The following PCSK2 variants were observed in gnomAD, a reference collection of about 807,000 sequenced individuals.
PCSK2 encodes neuroendocrine convertase 2.
PCSK2 carries 14 observed loss-of-function variants against 69.7 expected under a neutral mutation model. The observed-to-expected ratio is 0.20, with a 90% confidence interval of 0.13 to 0.31. The LOEUF (loss-of-function observed/expected upper bound fraction) is 0.31, where lower values mean the gene tolerates loss of function less well. Among genes scored for constraint, PCSK2 ranks in the 10% least tolerant of loss-of-function variants. The pLI is 1.00. For synonymous variants in PCSK2, 307 were observed against 320.7 expected, an observed-to-expected ratio of 0.96 and a Z score of 0.46; for missense variants, 544 against 842.5, an observed-to-expected ratio of 0.65 and a Z score of 4.39.
chr20:17,372,227 A>C (rs2030789489), intron 5 of PCSK2, among the ~76,000 whole-genome samples: 1 of 151,892 alleles, frequency 6.6e-6, no homozygotes, highest in African/African-American at 2.4e-5. Flanking sequence ...AAAATACAAG[A>C]AATTAGCCGG....
intron 10 of PCSK2, among the ~76,000 whole-genome samples, chr20:17,461,861 T>G (rs1008762287): frequency 6.6e-6 from 1 of 152,222 alleles, no homozygotes; most frequent in Admixed American, 6.5e-5. Context: ...CCTGATGTGA[T>G]TATCATGCAT....
chr20:17,410,842 A>G (rs1007753083), intron 6 of PCSK2, among the ~76,000 whole-genome samples: 3 of 152,264 alleles, frequency 2.0e-5, no homozygotes, highest in South Asian at 2.1e-4. Context: ...GAGAAGGGCC[A>G]TGAGAGGGTC....
chr20:17,312,460 G>A (rs1989547357), intron 2 of PCSK2, among the ~76,000 whole-genome samples: 1 of 152,058 alleles, frequency 6.6e-6, no homozygotes, highest in Non-Finnish European at 1.5e-5. Flanking sequence ...TATGAAGTCA[G>A]TAGGCCAAAT....
intron 2 of PCSK2, among the ~76,000 whole-genome samples, chr20:17,269,024 C>T (rs1987751976): frequency 6.6e-6 from 1 of 152,176 alleles, no homozygotes; most frequent in African/African-American, 2.4e-5. Flanking sequence ...TGAAATGGCA[C>T]TTATGCATAT....
Position 17,274,585 on chromosome 20 carries a change from G to A in PCSK2, c.282+14241G>A, listed in dbSNP as rs117300456. On this transcript the variant is annotated intron_variant, in intron 2 of 11. Transcript: ENST00000262545. Reference sequence around the variant, plus strand: ...AGCCAGGTGGAGAGATTGATATACCGTGGGGAGAGAGAGAGGCCAAGGAGC... The same window carrying A: ...AGCCAGGTGGAGAGATTGATATACCATGGGGAGAGAGAGAGGCCAAGGAGC... Among the ~76,000 whole-genome samples the A allele has an allele frequency of 6.1e-3, 926 of 152,150 alleles. 6 individuals carry two copies. The highest frequency in any genetic ancestry group is 0.014 in the Middle Eastern group (4 of 294).
intron 5 of PCSK2, among the ~76,000 whole-genome samples, chr20:17,380,296 C>T (rs1318272591): frequency 1.3e-5 from 2 of 152,176 alleles, no homozygotes; most frequent in African/African-American, 4.8e-5. Flanking sequence ...TAGACCACTC[C>T]TCAGTTTTTA....
intron 2 of PCSK2, among the ~76,000 whole-genome samples, chr20:17,264,077 G>A (rs983184838): frequency 2.6e-5 from 4 of 152,108 alleles, no homozygotes; most frequent in Non-Finnish European, 4.4e-5. Flanking sequence ...AAAAGCTTCC[G>A]AAGAGTAGAT....
chr20:17,328,595 T>C (rs186476819), intron 2 of PCSK2, among the ~76,000 whole-genome samples: 23 of 152,158 alleles, frequency 1.5e-4, no homozygotes, highest in Admixed American at 8.5e-4. Context: ...TGATACACTG[T>C]ATGTTTGGTG....
intron 1 of PCSK2, among the ~76,000 whole-genome samples, chr20:17,251,016 C>T (rs1986956742): frequency 6.6e-6 from 1 of 152,102 alleles, no homozygotes; most frequent in African/African-American, 2.4e-5. Flanking sequence ...AGGAGAATTG[C>T]TTGAATCCAA....
intron 2 of PCSK2, among the ~76,000 whole-genome samples, chr20:17,344,157 C>T (rs1342966575): frequency 3.3e-5 from 5 of 152,232 alleles, no homozygotes; most frequent in African/African-American, 4.8e-5. Flanking sequence ...GGCTCATTAA[C>T]GCCCTGTCAT....
In PCSK2 at chr20:17,228,866, G is replaced by A. The variant is rs1184367146; in HGVS notation, c.177+1384G>A. On this transcript the variant is annotated intron_variant, in intron 1 of 11. Transcript: ENST00000262545. Reference sequence around the variant, plus strand: ...GGCTCTGGGTCCGCCGGTGGCGCGCGGGCGGGTCTTGCGGAAAGGAACTTG... The same window carrying A: ...GGCTCTGGGTCCGCCGGTGGCGCGCAGGCGGGTCTTGCGGAAAGGAACTTG... 3.3e-5 allele frequency among the ~76,000 whole-genome samples: 5 copies of A among 152,292 alleles called. No individual in the cohort carries two copies. The East Asian group carries it at 5.8e-4, about 18-fold the overall frequency.
At chr20:17,337,265 G>C (rs1250322045) in intron 2 of PCSK2, among the ~76,000 whole-genome samples, 2 of 152,212 alleles carry the variant, frequency 1.3e-5, no homozygotes, top group African/African-American at 4.8e-5. Flanking sequence ...TCCCCAGAGA[G>C]TGACACTTTT....
chr20:17,311,085 AAAG>A (rs1568597508), intron 2 of PCSK2, among the ~76,000 whole-genome samples: 2 of 152,008 alleles, frequency 1.3e-5, no homozygotes, highest in African/African-American at 4.8e-5. Context: ...TTTTAATTAG[AAAG>A]ATCAACAACT....
intron 2 of PCSK2, among the ~76,000 whole-genome samples, chr20:17,278,558 C>T (rs1358219952): frequency 6.6e-6 from 1 of 151,972 alleles, no homozygotes; most frequent in Non-Finnish European, 1.5e-5. Context: ...CATCACACAC[C>T]AGGGACTGTT....
At chr20:17,239,372 C>T (rs764733331) in intron 1 of PCSK2, among the ~76,000 whole-genome samples, 3 of 152,096 alleles carry the variant, frequency 2.0e-5, no homozygotes, top group Non-Finnish European at 2.9e-5. Flanking sequence ...CCAAGAGAGA[C>T]CTTGAAGAAC....
At chr20:17,290,343 A>G (rs1988656911) in intron 2 of PCSK2, among the ~76,000 whole-genome samples, 1 of 152,180 alleles carries the variant, frequency 6.6e-6, no homozygotes, top group Admixed American at 6.5e-5. Context: ...ATTTTGTCAT[A>G]AGAATATCAG....
intron 2 of PCSK2, among the ~76,000 whole-genome samples, chr20:17,306,714 C>T (rs1408308314): frequency 3.3e-5 from 5 of 152,134 alleles, no homozygotes; most frequent in African/African-American, 4.8e-5. Flanking sequence ...AGAAGCATTT[C>T]CAGTGACTCC....
chr20:17,415,748 A>G (rs1203216497), intron 6 of PCSK2, among the ~76,000 whole-genome samples: 1 of 152,220 alleles, frequency 6.6e-6, no homozygotes, highest in Non-Finnish European at 1.5e-5. Flanking sequence ...CAAAAGAACA[A>G]AGCTGGAGGC....
Position 17,347,470 on chromosome 20 carries a change from A to G in PCSK2, c.283-10857A>G, listed in dbSNP as rs1008858583. Reference sequence around the variant, plus strand: ...ATAATCTCCCACATCACTTCCATCAATCGCTTTTGGGGGTTTCTCGCTTGA... The same window carrying G: ...ATAATCTCCCACATCACTTCCATCAGTCGCTTTTGGGGGTTTCTCGCTTGA... On this transcript the variant is annotated intron_variant, in intron 2 of 11. Coordinates refer to ENST00000262545, the MANE Select transcript of PCSK2 (RefSeq NM_002594.5). Among the ~76,000 whole-genome samples the G allele has an allele frequency of 5.9e-4, 90 of 152,094 alleles. 1 individual carries two copies. Among genetic ancestry groups the G allele is most frequent in the Non-Finnish European group, 5.0e-4 (34 of 67,990 alleles).
Sources: gnomAD v4.1 joint callset for allele counts (sites outside exome capture counted in the v4.1 genomes callset) on GRCh38, gnomAD v4.1.1 for gene constraint, MANE v1.5 for transcripts, NCBI Gene and HGNC (gene_info 2026-07-23, HGNC 2026-07-21) for gene names.